HDAC9: variants seen among roughly 807,000 people sequenced by gnomAD.
HDAC9 encodes histone deacetylase 9.
A neutral mutation model predicts 139.4 loss-of-function variants in HDAC9; 41 were observed. The ratio of observed to expected loss-of-function variants is 0.29; its 90% CI spans 0.23 to 0.38. The LOEUF (loss-of-function observed/expected upper bound fraction) is 0.38, where lower values mean the gene tolerates loss of function less well. Ranked by LOEUF, HDAC9 falls within the 10% of genes least tolerant of loss-of-function variation. The pLI, the probability that HDAC9 is intolerant of heterozygous loss-of-function variation, is 1.00. For synonymous variants in HDAC9, 517 were observed against 476.2 expected (o/e 1.09, Z -1.12); for missense variants, 1,147 against 1,297.0 (o/e 0.88, Z 1.78).
intron 1 of HDAC9, among the ~76,000 whole-genome samples, chr7:18,389,952 G>A (rs1786300002): frequency 6.6e-6 from 1 of 151,826 alleles, no homozygotes; most frequent in Non-Finnish European, 1.5e-5. Flanking sequence ...TTGTGAACAT[G>A]ACTAACATGT....
At chr7:18,564,907 A>G (rs576299652) in intron 2 of HDAC9, among the ~76,000 whole-genome samples, 3 of 152,026 alleles carry the variant, frequency 2.0e-5, no homozygotes, top group East Asian at 3.9e-4. Flanking sequence ...TAATGACCAC[A>G]TCTTAGGCTC....
At chr7:18,745,883 C>CTTCTT (rs1554344383) in intron 13 of HDAC9, among the ~76,000 whole-genome samples, 2 of 99,486 alleles carry the variant, frequency 2.0e-5, no homozygotes, top group African/African-American at 4.2e-5. Flanking sequence ...TCTTCTTCTT[C>CTTCTT]TTTTTTTTTT....
intron 1 of HDAC9, among the ~76,000 whole-genome samples, chr7:18,471,230 T>C (rs1794698370): frequency 6.6e-6 from 1 of 152,180 alleles, no homozygotes. Context: ...TTGAGAAATA[T>C]TTGTGTAATG....
chr7:18,728,059 T>C (rs1003131234), intron 13 of HDAC9, among the ~76,000 whole-genome samples: 4 of 152,162 alleles, frequency 2.6e-5, no homozygotes, highest in African/African-American at 9.7e-5. Context: ...TTCCTCAATC[T>C]CTACTCTTAC....
At chr7:18,706,580 C>G (rs1328047437) in intron 12 of HDAC9, among the ~76,000 whole-genome samples, 1 of 152,188 alleles carries the variant, frequency 6.6e-6, no homozygotes, top group Non-Finnish European at 1.5e-5. Context: ...CTGCCCTTGG[C>G]AAAGCTCACA....
chr7:18,971,364 G>C (rs1006156774), intron 24 of HDAC9, among the ~76,000 whole-genome samples: 3 of 152,160 alleles, frequency 2.0e-5, no homozygotes, highest in African/African-American at 7.2e-5. Context: ...ATAGCCATAG[G>C]AGAGCAACCC....
intron 1 of HDAC9, among the ~76,000 whole-genome samples, chr7:18,351,277 T>G (rs1782827513): frequency 6.6e-6 from 1 of 152,196 alleles, no homozygotes; most frequent in South Asian, 2.1e-4. Context: ...TTAACATTTT[T>G]CCATGTTGCT....
intron 3 of HDAC9, among the ~76,000 whole-genome samples, chr7:18,588,475 C>T (rs892780007): frequency 1.3e-5 from 2 of 152,024 alleles, no homozygotes; most frequent in African/African-American, 4.8e-5. Flanking sequence ...TCATATACAC[C>T]TTATACACAT....
Position 18,666,415 on chromosome 7 carries a change from G to C in HDAC9, c.1670G>C (p.Ser557Thr), listed in dbSNP as rs780844623. 2 of 1,612,800 alleles carry C rather than the reference G, an allele frequency of 1.2e-6. No homozygotes were observed. The highest frequency in any genetic ancestry group is 1.3e-5 in the African/African-American group (1 of 74,860). The change falls in exon 12 of 26, where the codon AGT (serine) becomes ACT (threonine). Residue 557 changes from serine to threonine, a missense_variant. Ser to Thr is a moderately conservative substitution (Grantham distance 58, BLOSUM62 1). Around this residue, in one of 7 missense-constraint regions of HDAC9, gnomAD observed 256 missense variants for 219.2 expected, o/e 1.17. Coordinates refer to ENST00000686413, the MANE Select transcript of HDAC9 (RefSeq NM_178425.4). ...AAGGTCAAGGAGGAACCAGTGGACA[G>C]TGATGAAGATGCTCAGATCCAGGAA... ...AVKVKEEPVDSDEDAQIQEME... is the reference protein window; with the variant it reads ...AVKVKEEPVDTDEDAQIQEME...
chr7:18,467,519 G>C (rs1434033831), intron 1 of HDAC9, among the ~76,000 whole-genome samples: 1 of 151,836 alleles, frequency 6.6e-6, no homozygotes, highest in African/African-American at 2.4e-5. Context: ...CAAATCCCAG[G>C]GCTGTCATAA....
intron 22 of HDAC9, among the ~76,000 whole-genome samples, chr7:18,880,609 C>A (rs1182254356): frequency 6.6e-6 from 1 of 151,942 alleles, no homozygotes; most frequent in Non-Finnish European, 1.5e-5. Flanking sequence ...TGATGAACTT[C>A]TGAACACAGA....
chr7:18,733,095 G>A (rs1303861253), intron 13 of HDAC9, among the ~76,000 whole-genome samples: 1 of 141,986 alleles, frequency 7.0e-6, no homozygotes, highest in Non-Finnish European at 1.5e-5. Context: ...ATATATACAT[G>A]TGTATATATA....
chr7:18,912,392 A>G (rs938754668), intron 22 of HDAC9, among the ~76,000 whole-genome samples: 3 of 152,132 alleles, frequency 2.0e-5, no homozygotes, highest in Admixed American at 2.0e-4. Flanking sequence ...AGTATCCAAT[A>G]AGTGGGTATA....
At chr7:18,679,789 G>T (rs1398346207) in intron 12 of HDAC9, among the ~76,000 whole-genome samples, 4 of 151,712 alleles carry the variant, frequency 2.6e-5, no homozygotes, top group South Asian at 2.1e-4. Flanking sequence ...GGTAACGTAA[G>T]TGTAATTTTT....
chr7:18,626,446 A>C (rs1048017669), intron 6 of HDAC9, among the ~76,000 whole-genome samples: 4 of 152,110 alleles, frequency 2.6e-5, no homozygotes, highest in African/African-American at 9.7e-5. Context: ...TGTTGGGGGG[A>C]AAATGAAGAA....
chr7:18,884,001 G>C (rs1799935207), intron 22 of HDAC9, among the ~76,000 whole-genome samples: 1 of 152,118 alleles, frequency 6.6e-6, no homozygotes, highest in Non-Finnish European at 1.5e-5. Context: ...GGAGGTGAAA[G>C]ATCTCCAAAC....
intron 2 of HDAC9, among the ~76,000 whole-genome samples, chr7:18,511,691 G>A (rs1249494372): frequency 6.6e-6 from 1 of 152,172 alleles, no homozygotes; most frequent in Non-Finnish European, 1.5e-5. Context: ...CTACTGCCCA[G>A]TCAGCTTCCT....
At chr7:18,786,593 C>G (rs143027400) in intron 16 of HDAC9, among the ~76,000 whole-genome samples, 12,639 of 89,474 alleles carry the variant, frequency 0.14, 1,356 homozygotes, top group African/African-American at 0.24. Context: ...TGGCTTCCTT[C>G]CTTCCTTCCT....
chr7:18,939,316 G>A (rs913038301), intron 23 of HDAC9, among the ~76,000 whole-genome samples: 7 of 152,106 alleles, frequency 4.6e-5, no homozygotes, highest in Non-Finnish European at 1.0e-4. Flanking sequence ...TGGGATTATT[G>A]AATTTTTGAA....
Sources: allele counts gnomAD v4.1 joint callset (sites outside exome capture counted in the v4.1 genomes callset), GRCh38; gene constraint gnomAD v4.1.1; regional missense constraint gnomAD v4.1.1; transcripts MANE v1.5; gene names NCBI Gene and HGNC (gene_info 2026-07-23, HGNC 2026-07-21).